Variants in ZNF148 observed in about 807,000 individuals in gnomAD.
ZNF148 encodes zinc finger protein 148.
In ZNF148, 7 loss-of-function variants were observed where a neutral mutation model predicts 67.7. The ratio of observed to expected loss-of-function variants is 0.10; its 90% confidence interval spans 0.06 to 0.19. ZNF148 has a LOEUF of 0.19. Ranked by LOEUF, ZNF148 falls within the 10% of genes least tolerant of loss-of-function variation. The pLI is 1.00. For missense variants in ZNF148, 583 were observed against 947.1 expected, an observed-to-expected ratio of 0.62 and a Z score of 5.05; for synonymous variants, 333 against 330.7, an observed-to-expected ratio of 1.01 and a Z score of -0.08.
At chr3:125,254,227 A>G (rs1936971486) in intron 7 of ZNF148, among the ~76,000 whole-genome samples, 1 of 152,094 alleles carries the variant, frequency 6.6e-6, no homozygotes, top group Admixed American at 6.5e-5. Flanking sequence ...TGATGTACAC[A>G]TTTATGTTCC....
rs182005911 is a variant in ZNF148, at chr3:125,264,097, C to T, written c.667+13629G>A. 3.3e-5 allele frequency among the ~76,000 whole-genome samples: 5 copies of T among 152,350 alleles called. No individual in the cohort carries two copies. In the East Asian group the frequency reaches 9.6e-4, roughly 29 times the overall value. On this transcript the variant is annotated intron_variant, in intron 7 of 8. Coordinates refer to ENST00000360647, the MANE Select transcript of ZNF148 (RefSeq NM_021964.3). ...AAGACAGAAGCTCCGGTACTTGGGA[C>T]CCTTCCAGACCTTGTCCTGTGGACC...
At chr3:125,346,021 T>C (rs1193577846) in intron 1 of ZNF148, among the ~76,000 whole-genome samples, 4 of 152,004 alleles carry the variant, frequency 2.6e-5, no homozygotes, top group Non-Finnish European at 5.9e-5. Context: ...GACAAAGACA[T>C]CACAAGAAAA....
At chr3:125,277,022 C>T (rs1938112856) in intron 7 of ZNF148, among the ~76,000 whole-genome samples, 1 of 152,200 alleles carries the variant, frequency 6.6e-6, no homozygotes, top group African/African-American at 2.4e-5. Context: ...TACAAATTTA[C>T]CAACTCTGCT....
At position 125,323,440 on chromosome 3, in the gene ZNF148, G is replaced by A. The variant is rs773149009; in HGVS notation, c.-148C>T. ...ACCACCTTAATCACTTATGCCATCC[G>A]ATTCCTACAATAAAACACACACACA... On this transcript the variant is annotated 5_prime_UTR_variant, in exon 3 of 9. Transcript: ENST00000360647. 26 of 679,898 alleles carry A rather than the reference G, an allele frequency of 3.8e-5. No individual in the cohort carries two copies. The highest frequency in any genetic ancestry group is 5.3e-5 in the Non-Finnish European group (20 of 378,344). 42.1% of individuals were successfully genotyped at this position (679,898 alleles called of 1,614,324 possible). A position where few individuals can be genotyped will look rare whatever the true frequency, so the allele number is the denominator to read the frequency against.
At chr3:125,323,130 T>C (rs4386447) in intron 3 of ZNF148, among the ~76,000 whole-genome samples, 179 bp downstream of exon 3, 117,193 of 152,118 alleles carry the variant, frequency 0.77, 45,688 homozygotes, top group African/African-American at 0.85. Context: ...ATGACATCAT[T>C]ATTCATCATT....
chr3:125,288,237 A>G lies in ZNF148; in HGVS notation c.334-9T>C, dbSNP rs759197516. 4 of 1,597,202 alleles carry G rather than the reference A, an allele frequency of 2.5e-6. No homozygotes were observed. The Admixed American group carries it at 5.4e-5, about 22-fold the overall frequency. On this transcript the variant is annotated splice_polypyrimidine_tract_variant and intron_variant, in intron 4 of 8. Transcript: ENST00000360647. ...TCCTGCTTTACGCTTATCTGTTTAA[A>G]AAAAGAAAAGCCAATTTTAGACATA...
intron 5 of ZNF148, among the ~76,000 whole-genome samples, chr3:125,286,314 C>A (rs1938654042): frequency 1.3e-5 from 2 of 151,984 alleles, no homozygotes; most frequent in African/African-American, 4.8e-5. Context: ...AAAATGCCAA[C>A]AAAAATTTTA....
chr3:125,372,374 A>G (rs1942918522), intron 1 of ZNF148, among the ~76,000 whole-genome samples: 1 of 152,236 alleles, frequency 6.6e-6, no homozygotes, highest in African/African-American at 2.4e-5. Context: ...TAAGCATATT[A>G]TTTAAAAATA....
Position 125,227,006 on chromosome 3 carries a change from C to G in ZNF148, c.*5335G>C, listed in dbSNP as rs538280004. 2 of 152,164 alleles carry G rather than the reference C, an allele frequency of 1.3e-5. No individual in the cohort carries two copies. The highest frequency in any genetic ancestry group is 3.9e-4 in the East Asian group (2 of 5,182). The allele number at this position is 152,164 out of a possible 1,614,324, so 9.4% of individuals were successfully genotyped here. On this transcript the variant is annotated 3_prime_UTR_variant, in exon 9 of 9. Transcript: ENST00000360647. ...GAAAGACCCATTTTGTATCTGATCC[C>G]GAGTTTGCAGTTGAGTCCTTCCCAA...
intron 3 of ZNF148, among the ~76,000 whole-genome samples, chr3:125,317,332 G>T (rs1177171046): frequency 6.6e-6 from 1 of 152,016 alleles, no homozygotes; most frequent in Admixed American, 6.6e-5. Flanking sequence ...CTATCAAAAT[G>T]AAAACTGTAT....
chr3:125,254,206 G>A (rs1003009782), intron 7 of ZNF148, among the ~76,000 whole-genome samples: 4 of 151,938 alleles, frequency 2.6e-5, no homozygotes, highest in Non-Finnish European at 5.9e-5. Context: ...TTATGACTAT[G>A]TAGATCTAAG....
intron 1 of ZNF148, among the ~76,000 whole-genome samples, chr3:125,341,997 G>GGGA (rs540265586): frequency 1.2e-4 from 9 of 72,644 alleles, no homozygotes; most frequent in Non-Finnish European, 2.4e-4. Context: ...TCTGTTTCGG[G>GGGA]GCGGGGGGGG....
At chr3:125,371,375 G>GAA (rs1942876689) in intron 1 of ZNF148, among the ~76,000 whole-genome samples, 23 of 14,142 alleles carry the variant, frequency 1.6e-3, no homozygotes, top group Non-Finnish European at 4.2e-3. Context: ...AAAAAAAAGG[G>GAA]GGGGGGGGGG....
chr3:125,323,031 C>T (rs914322342), intron 3 of ZNF148, among the ~76,000 whole-genome samples: 8 of 152,002 alleles, frequency 5.3e-5, no homozygotes, highest in Admixed American at 1.3e-4. Flanking sequence ...AAATGCTATA[C>T]CCTGTTGAGA....
chr3:125,344,235 C>A, intron 1 of ZNF148: 1 of 351,920 alleles, frequency 2.8e-6, no homozygotes, highest in South Asian at 2.9e-5. Context: ...AACCTGATAT[C>A]AATTTGGAAG....
At chr3:125,367,225 G>T (rs1942730122) in intron 1 of ZNF148, among the ~76,000 whole-genome samples, 1 of 152,000 alleles carries the variant, frequency 6.6e-6, no homozygotes, top group Non-Finnish European at 1.5e-5. Flanking sequence ...CCTTCAAATA[G>T]CCTTACCATC....
At chr3:125,346,797 GGGTATTTCTTTATAGCA>G (rs1230742929) in intron 1 of ZNF148, among the ~76,000 whole-genome samples, 1 of 151,950 alleles carries the variant, frequency 6.6e-6, no homozygotes, top group Non-Finnish European at 1.5e-5. Flanking sequence ...ACCCAGGCTT[GGGTATTTCTTTATAGCA>G]GTGTGAGAAT....
At position 125,307,656 on chromosome 3, in the gene ZNF148, C is replaced by A. The variant is rs79024966; in HGVS notation, c.333+5652G>T. Among the ~76,000 whole-genome samples, 3 of 151,000 alleles carry A rather than the reference C, an allele frequency of 2.0e-5. No individual in the cohort carries two copies. In the East Asian group the frequency reaches 5.9e-4, roughly 29 times the overall value. ...ATCTATGAAAAACCTACACCTAATT[C>A]TTTTTTTTGAAACAGTCTCACTCTG... On this transcript the variant is annotated intron_variant, in intron 4 of 8. Transcript: ENST00000360647.
chr3:125,349,759 T>C (rs1474402901), intron 1 of ZNF148, among the ~76,000 whole-genome samples: 1 of 152,192 alleles, frequency 6.6e-6, no homozygotes, highest in Non-Finnish European at 1.5e-5. Context: ...GAGGATCACT[T>C]GAGTCCAGGA....
Sources: gnomAD v4.1 joint callset for allele counts (sites outside exome capture counted in the v4.1 genomes callset) on GRCh38, gnomAD v4.1.1 for gene constraint, MANE v1.5 for transcripts, NCBI Gene and HGNC (gene_info 2026-07-23, HGNC 2026-07-21) for gene names.